Variants in MAPKAP1 observed in about 807,000 individuals in gnomAD.
MAPKAP1 encodes the protein MAPK associated protein 1, also known as target of rapamycin complex 2 subunit MAPKAP1.
MAPKAP1 carries 20 observed loss-of-function variants against 65.7 expected under a neutral mutation model. That is an observed-to-expected ratio of 0.30 (90% CI 0.21 to 0.44). The LOEUF is 0.44. Ranked by LOEUF, MAPKAP1 falls within the 20% of genes least tolerant of loss-of-function variation. The pLI is 1.00. For synonymous variants in MAPKAP1, 222 were observed against 244.3 expected, an observed-to-expected ratio of 0.91 and a Z score of 0.85; for missense variants, 423 against 648.0, an observed-to-expected ratio of 0.65 and a Z score of 3.77.
intron 10 of MAPKAP1, among the ~76,000 whole-genome samples, chr9:125,444,824 A>G (rs1852641684): frequency 6.6e-6 from 1 of 152,194 alleles, no homozygotes; most frequent in Admixed American, 6.5e-5. Context: ...CCACTCTGGA[A>G]TGCATTCAGG....
At chr9:125,625,656 G>A (rs765986114) in intron 4 of MAPKAP1, among the ~76,000 whole-genome samples, 27 of 152,218 alleles carry the variant, frequency 1.8e-4, no homozygotes, top group East Asian at 1.2e-3. Flanking sequence ...TTAGCCTGGC[G>A]TGGTGGTGTG....
chr9:125,608,475 A>G (rs1008141049), intron 4 of MAPKAP1, among the ~76,000 whole-genome samples: 31 of 152,200 alleles, frequency 2.0e-4, no homozygotes, highest in African/African-American at 7.0e-4. Flanking sequence ...CAAAATTCTA[A>G]AAGCCATCAC....
intron 1 of MAPKAP1, among the ~76,000 whole-genome samples, chr9:125,678,211 C>T (rs1834709574): frequency 6.6e-6 from 1 of 152,074 alleles, no homozygotes; most frequent in South Asian, 2.1e-4. Flanking sequence ...AACCACTATG[C>T]CAGGCCAACA....
chr9:125,673,937 G>A lies in MAPKAP1; in HGVS notation c.-69-1294C>T, dbSNP rs544779990. On this transcript the variant is annotated intron_variant, in intron 1 of 11. Coordinates refer to ENST00000265960, the MANE Select transcript of MAPKAP1 (RefSeq NM_001006617.3). ...AGCCTGGGTGACATAGTGAGACCCT[G>A]TCTTCTAAAAACAAAACAAAACAAA... Among the ~76,000 whole-genome samples, 75 of 124,424 alleles carry A rather than the reference G, an allele frequency of 6.0e-4. 2 individuals are homozygous for A. Among genetic ancestry groups the A allele is most frequent in the African/African-American group, 1.9e-3 (66 of 35,574 alleles). The allele number at this position is 124,424 out of a possible 152,430, so 81.6% of individuals were successfully genotyped here. A position where few individuals can be genotyped will look rare whatever the true frequency, so the allele number is the denominator to read the frequency against.
chr9:125,510,235 C>T (rs1333172901), intron 7 of MAPKAP1, among the ~76,000 whole-genome samples: 1 of 152,152 alleles, frequency 6.6e-6, no homozygotes, highest in African/African-American at 2.4e-5. Flanking sequence ...GCTAGTCTGC[C>T]TTGAACCCTC....
intron 1 of MAPKAP1, among the ~76,000 whole-genome samples, chr9:125,691,699 A>G (rs1395775970): frequency 6.6e-6 from 1 of 152,190 alleles, no homozygotes; most frequent in Non-Finnish European, 1.5e-5. Context: ...AAAAAAGTCA[A>G]TCTTTGGCTA....
chr9:125,653,222 A>G (rs1299825228), intron 4 of MAPKAP1, among the ~76,000 whole-genome samples: 1 of 152,220 alleles, frequency 6.6e-6, no homozygotes, highest in Non-Finnish European at 1.5e-5. Context: ...GGCCCCTGTA[A>G]CAAGAAACAG....
chr9:125,555,476 G>A (rs1033035970), intron 6 of MAPKAP1, among the ~76,000 whole-genome samples: 1 of 152,258 alleles, frequency 6.6e-6, no homozygotes, highest in African/African-American at 2.4e-5. Flanking sequence ...GATGGTACTG[G>A]AGCCCCGGGA....
At position 125,487,537 on chromosome 9, in the gene MAPKAP1, C is replaced by T. The variant is rs1055012747; in HGVS notation, c.1067-2954G>A. On this transcript the variant is annotated intron_variant, in intron 8 of 11. Transcript: ENST00000265960. ...AGCTCAAGAACTTCTGTTTGCTTTACTAATTAGTGTTTTCTAAATATTGCA... is the reference window on the plus strand; with the variant it reads ...AGCTCAAGAACTTCTGTTTGCTTTATTAATTAGTGTTTTCTAAATATTGCA... Among the ~76,000 whole-genome samples the T allele has an allele frequency of 2.0e-5, 3 of 148,782 alleles. No homozygotes were observed. In the South Asian group the frequency reaches 6.4e-4, roughly 32 times the overall value.
At chr9:125,507,708 T>G (rs1589244954) in intron 7 of MAPKAP1, among the ~76,000 whole-genome samples, 1 of 152,236 alleles carries the variant, frequency 6.6e-6, no homozygotes, top group Admixed American at 6.5e-5. Flanking sequence ...AATAAAGCTT[T>G]TAAACCTTTG....
intron 10 of MAPKAP1, among the ~76,000 whole-genome samples, chr9:125,456,880 G>T (rs1197766759): frequency 2.0e-5 from 3 of 152,086 alleles, no homozygotes; most frequent in Non-Finnish European, 2.9e-5. Context: ...GACAGTAAAT[G>T]TTACTGCTGT....
intron 1 of MAPKAP1, among the ~76,000 whole-genome samples, chr9:125,686,830 GT>G (rs199569908): frequency 3.8e-4 from 55 of 145,398 alleles, no homozygotes; most frequent in Admixed American, 4.1e-4. Context: ...TTTTGTTTTG[GT>G]TTTTTTTTTT....
chr9:125,463,287 C>T (rs1005290245), intron 10 of MAPKAP1, among the ~76,000 whole-genome samples: 2 of 152,228 alleles, frequency 1.3e-5, no homozygotes, highest in Admixed American at 6.5e-5. Flanking sequence ...CTATGTCCTT[C>T]TGACCTATAA....
chr9:125,444,178 C>T (rs1852609030), intron 11 of MAPKAP1, among the ~76,000 whole-genome samples: 2 of 152,182 alleles, frequency 1.3e-5, no homozygotes, highest in Admixed American at 1.3e-4. Flanking sequence ...GAGCTCCTGA[C>T]AATGGTTGCA....
intron 4 of MAPKAP1, among the ~76,000 whole-genome samples, chr9:125,601,377 C>T (rs1270866987): frequency 2.0e-5 from 3 of 151,236 alleles, no homozygotes; most frequent in African/African-American, 4.9e-5. Context: ...AAATTTTAAA[C>T]GTCACTATTC....
At chr9:125,626,225 C>G (rs1833114368) in intron 4 of MAPKAP1, among the ~76,000 whole-genome samples, 1 of 152,230 alleles carries the variant, frequency 6.6e-6, no homozygotes, top group South Asian at 2.1e-4. Flanking sequence ...AAGAACACTT[C>G]TCTTTTTACC....
At chr9:125,662,599 C>T (rs1344549029) in intron 3 of MAPKAP1, among the ~76,000 whole-genome samples, 5 of 152,086 alleles carry the variant, frequency 3.3e-5, no homozygotes, top group African/African-American at 7.2e-5. Flanking sequence ...AGGTGAATGG[C>T]GTGAACCCAG....
intron 2 of MAPKAP1, 55 bp from the exon 3 acceptor site, chr9:125,669,962 A>C: frequency 9.7e-7 from 1 of 1,030,250 alleles, no homozygotes; most frequent in Non-Finnish European, 1.5e-6. Context: ...ACCATAAACA[A>C]AGACATAATT....
chr9:125,438,708 C>T lies in MAPKAP1; in HGVS notation c.*179G>A. On this transcript the variant is annotated 3_prime_UTR_variant, in exon 12 of 12. Transcript: ENST00000265960. The stretch of plus-strand genomic sequence containing the variant: ...GCAGACTTCCGTCCCATGGCAATGT[C>T]CCCAGCGCTCCCTCCTAGGGGGCCC... The T allele has an allele frequency of 1.5e-6, 1 of 677,420 alleles. No homozygotes were observed. Among genetic ancestry groups the T allele is most frequent in the Non-Finnish European group, 2.5e-6 (1 of 403,200 alleles). 42.0% of individuals were successfully genotyped at this position (677,420 alleles called of 1,614,324 possible).
Sources: allele counts gnomAD v4.1 joint callset (sites outside exome capture counted in the v4.1 genomes callset), GRCh38; gene constraint gnomAD v4.1.1; transcripts MANE v1.5; gene names NCBI Gene and HGNC (gene_info 2026-07-23, HGNC 2026-07-21).